Variants in MTFR1 observed in about 807,000 individuals in gnomAD.
The protein encoded by MTFR1 is chondrocyte protein with a poly-proline region.
In MTFR1, 28 loss-of-function variants were observed where a neutral mutation model predicts 38.8. The observed-to-expected ratio is 0.72, with a 90% confidence interval of 0.53 to 0.99. MTFR1 has a LOEUF of 0.99. Ranked by LOEUF, MTFR1 falls within the 50% of genes least tolerant of loss-of-function variation. MTFR1 has a pLI of 0.00. For missense variants in MTFR1, 358 were observed against 395.5 expected (o/e 0.91, Z 0.81); for synonymous variants, 145 against 137.0 (o/e 1.06, Z -0.41).
intron 1 of MTFR1, among the ~76,000 whole-genome samples, chr8:65,659,431 T>G (rs1432249053): frequency 1.3e-5 from 2 of 151,766 alleles, no homozygotes; most frequent in Non-Finnish European, 2.9e-5. Context: ...GAGAGGTTTT[T>G]TTTTTTTTTT....
chr8:65,696,396 C>T (rs1206963924), intron 4 of MTFR1, among the ~76,000 whole-genome samples: 1 of 152,132 alleles, frequency 6.6e-6, no homozygotes, highest in Non-Finnish European at 1.5e-5. Flanking sequence ...AGAAATTCCC[C>T]ATGCTTTTCA....
At chr8:65,732,860 G>C (rs1806956764) in intron 3 of MTFR1, among the ~76,000 whole-genome samples, 1 of 150,860 alleles carries the variant, frequency 6.6e-6, no homozygotes, top group South Asian at 2.1e-4. Flanking sequence ...GAGTGACTCT[G>C]TTTTTTTTTC....
At chr8:65,656,170 C>T (rs1298472276) in intron 1 of MTFR1, among the ~76,000 whole-genome samples, 10 of 149,070 alleles carry the variant, frequency 6.7e-5, no homozygotes, top group South Asian at 2.1e-4. Context: ...TTCTCCAGCC[C>T]GGGCAACAAG....
chr8:65,749,717 A>T (rs1477262792), intron 3 of MTFR1, among the ~76,000 whole-genome samples: 7 of 152,224 alleles, frequency 4.6e-5, no homozygotes, highest in East Asian at 1.9e-4. Context: ...AAGAAATTAA[A>T]TAACTTTCCT....
chr8:65,710,262 T>A lies in MTFR1; in HGVS notation c.*1218T>A, dbSNP rs966172238. 6.6e-6 allele frequency: 1 copy of A among 152,214 alleles called. No homozygotes were observed. The highest frequency in any genetic ancestry group is 1.5e-5 in the Non-Finnish European group (1 of 68,022). 9.4% of individuals were successfully genotyped at this position (152,214 alleles called of 1,614,324 possible). ...TGGGAGTAGAGATTCACTTTTAAGTTCTTGAAAATATATGCATTCTCCTAA... is the reference window on the plus strand; with the variant it reads ...TGGGAGTAGAGATTCACTTTTAAGTACTTGAAAATATATGCATTCTCCTAA... On this transcript the variant is annotated 3_prime_UTR_variant, in exon 8 of 8. Coordinates refer to ENST00000262146, the MANE Select transcript of MTFR1 (RefSeq NM_014637.4).
At chr8:65,764,807 A>G (rs916603715) in intron 3 of MTFR1, among the ~76,000 whole-genome samples, 1 of 152,228 alleles carries the variant, frequency 6.6e-6, no homozygotes, top group African/African-American at 2.4e-5. Context: ...TCAAATACAC[A>G]TGAGGAACTA....
chr8:65,682,824 TC>T, intron 3 of MTFR1: 1 of 985,202 alleles, frequency 1.0e-6, no homozygotes, highest in South Asian at 4.7e-5. Flanking sequence ...GCCACTCTGT[TC>T]CCCTGCTTTA....
chr8:65,746,142 A>G (rs1227036556), intron 3 of MTFR1, among the ~76,000 whole-genome samples: 2 of 146,858 alleles, frequency 1.4e-5, no homozygotes, highest in Non-Finnish European at 3.0e-5. Context: ...CATGCTGCCC[A>G]GGGCTGGTTT....
At position 65,710,225 on chromosome 8, in the gene MTFR1, A is replaced by T. The variant is rs899017197; in HGVS notation, c.*1181A>T. The T allele has an allele frequency of 6.6e-6, 1 of 152,172 alleles. No individual in the cohort carries two copies. Among genetic ancestry groups the T allele is most frequent in the Non-Finnish European group, 1.5e-5 (1 of 68,018 alleles). 9.4% of individuals were successfully genotyped at this position (152,172 alleles called of 1,614,324 possible). Reference sequence around the variant, plus strand: ...AAGAAAGTTGTACTTCCTGGCTGGGAGTATTAGGAGATGGGAGTAGAGATT... The same window carrying T: ...AAGAAAGTTGTACTTCCTGGCTGGGTGTATTAGGAGATGGGAGTAGAGATT... On this transcript the variant is annotated 3_prime_UTR_variant, in exon 8 of 8. Transcript: ENST00000262146.
intron 3 of MTFR1, among the ~76,000 whole-genome samples, chr8:65,687,569 TCTC>T (rs1171642957): frequency 6.6e-6 from 1 of 151,906 alleles, no homozygotes; most frequent in Non-Finnish European, 1.5e-5. Flanking sequence ...ATGGTTTCGA[TCTC>T]CTGACCTCGT....
downstream of MTFR1, among the ~76,000 whole-genome samples, chr8:65,775,090 A>G (rs7837458): frequency 0.01 from 1,564 of 152,318 alleles, 18 homozygotes; most frequent in African/African-American, 0.033. Context: ...TTTGGGGTCA[A>G]GCAAAATAGT....
At chr8:65,708,898 C>A in intron 7 of MTFR1, 78 bp from the exon 8 acceptor site, 2 of 1,395,204 alleles carry the variant, frequency 1.4e-6, no homozygotes, top group Non-Finnish European at 2.0e-6. Flanking sequence ...GCCCTCTAAT[C>A]CATGATTGGG....
At chr8:65,740,669 G>GCCTCCCAAA (rs1262782718) in intron 3 of MTFR1, among the ~76,000 whole-genome samples, 2 of 152,246 alleles carry the variant, frequency 1.3e-5, no homozygotes, top group South Asian at 4.1e-4. Context: ...CAAAGTGCTG[G>GCCTCCCAAA]GATTTACAGG....
chr8:65,682,788 T>G, intron 3 of MTFR1: 1 of 985,372 alleles, frequency 1.0e-6, no homozygotes, highest in South Asian at 4.7e-5. Context: ...ATTTTTCTTC[T>G]GTAATTATAC....
intron 3 of MTFR1, among the ~76,000 whole-genome samples, chr8:65,757,544 C>A (rs532615203): frequency 6.6e-6 from 1 of 152,296 alleles, no homozygotes; most frequent in Non-Finnish European, 1.5e-5. Context: ...GTTATTCTTT[C>A]CGGCATCTGG....
chr8:65,675,168 G>A (rs112408769), intron 2 of MTFR1, among the ~76,000 whole-genome samples: 1 of 152,306 alleles, frequency 6.6e-6, no homozygotes, highest in African/African-American at 2.4e-5. Context: ...GCGCATGCCC[G>A]TAGTCCCCGC....
intron 2 of MTFR1, among the ~76,000 whole-genome samples, chr8:65,675,589 TC>T (rs956703895): frequency 6.6e-6 from 1 of 152,106 alleles, no homozygotes; most frequent in African/African-American, 2.4e-5. Flanking sequence ...ACAGCAAGAC[TC>T]CGTCTCAAAA....
chr8:65,691,359 C>G (rs1313360982), intron 3 of MTFR1, among the ~76,000 whole-genome samples: 1 of 152,128 alleles, frequency 6.6e-6, no homozygotes, highest in East Asian at 1.9e-4. Context: ...GCGATCATGC[C>G]TCACTGCAGC....
intron 3 of MTFR1, chr8:65,720,523 T>C (rs1321113152): frequency 6.5e-6 from 1 of 154,186 alleles, no homozygotes; most frequent in African/African-American, 2.4e-5. Context: ...AGGAAAGTTA[T>C]ATATGGTCTG....
Sources: gnomAD v4.1 joint callset for allele counts (sites outside exome capture counted in the v4.1 genomes callset) on GRCh38, gnomAD v4.1.1 for gene constraint, MANE v1.5 for transcripts, NCBI Gene and HGNC (gene_info 2026-07-23, HGNC 2026-07-21) for gene names.